SNX9: variants seen among roughly 807,000 people sequenced by gnomAD.
The protein encoded by SNX9 is sorting nexin 9, also known as sorting nexin-9.
A neutral mutation model predicts 89.4 loss-of-function variants in SNX9; 44 were observed. The ratio of observed to expected loss-of-function variants is 0.49; its 90% CI spans 0.39 to 0.63. The LOEUF (loss-of-function observed/expected upper bound fraction) is 0.63, where lower values mean the gene tolerates loss of function less well. SNX9 is among the 30% of genes least tolerant of loss of function. The probability of loss-of-function intolerance (pLI) is 0.00; values close to 1 mark genes in which losing one functional copy is unlikely to be tolerated. For missense variants in SNX9, 578 were observed against 736.1 expected (o/e 0.79, Z 2.49); for synonymous variants, 236 against 247.8 (o/e 0.95, Z 0.45).
At chr6:157,933,524 C>T (rs1031780008) in intron 13 of SNX9, among the ~76,000 whole-genome samples, 2 of 152,136 alleles carry the variant, frequency 1.3e-5, no homozygotes, top group African/African-American at 4.8e-5. Context: ...ATTGCCCTGG[C>T]CTTACCATGT....
intron 2 of SNX9, among the ~76,000 whole-genome samples, chr6:157,872,032 GT>G (rs1478803605): frequency 6.6e-6 from 1 of 151,986 alleles, no homozygotes; most frequent in Non-Finnish European, 1.5e-5. Flanking sequence ...AGTGACAAAA[GT>G]TGTGGCTTAA....
chr6:157,882,312 A>AAAATATT (rs1476587766), intron 4 of SNX9, among the ~76,000 whole-genome samples: 3 of 152,222 alleles, frequency 2.0e-5, no homozygotes, highest in Non-Finnish European at 4.4e-5. Context: ...GATTTCTTTC[A>AAAATATT]AAATATTACT....
intron 1 of SNX9, among the ~76,000 whole-genome samples, chr6:157,865,880 G>A (rs190818779): frequency 6.8e-4 from 103 of 152,198 alleles, no homozygotes; most frequent in African/African-American, 2.4e-3. Flanking sequence ...AGTAAATATT[G>A]TTAAATTAGT....
chr6:157,873,237 T>G, intron 3 of SNX9, 61 bp downstream of exon 3: 1 of 1,384,648 alleles, frequency 7.2e-7, no homozygotes, highest in Non-Finnish European at 9.7e-7. Context: ...TTTTTATGAA[T>G]TATCAACTTA....
At chr6:157,849,245 A>G (rs1781862564) in intron 1 of SNX9, among the ~76,000 whole-genome samples, 1 of 152,270 alleles carries the variant, frequency 6.6e-6, no homozygotes, top group South Asian at 2.1e-4. Flanking sequence ...ACTTTCAAGA[A>G]AAAAGAGGGT....
At chr6:157,876,014 A>T (rs1002820781) in intron 4 of SNX9, among the ~76,000 whole-genome samples, 1 of 152,044 alleles carries the variant, frequency 6.6e-6, no homozygotes, top group Non-Finnish European at 1.5e-5. Flanking sequence ...GAATTAAAAT[A>T]TTGTTAACTG....
intron 9 of SNX9, 27 bp from the exon 10 acceptor site, chr6:157,921,504 A>G (rs368558969): frequency 5.9e-5 from 94 of 1,606,018 alleles, no homozygotes; most frequent in Non-Finnish European, 4.8e-5. Context: ...ACAAAGTTGT[A>G]TGTCATTCTT....
At chr6:157,886,858 T>C (rs146986405) in intron 4 of SNX9, among the ~76,000 whole-genome samples, 1 of 152,280 alleles carries the variant, frequency 6.6e-6, no homozygotes, top group Non-Finnish European at 1.5e-5. Flanking sequence ...TTTCATAATG[T>C]GTTTTGTTTT....
Position 157,942,945 on chromosome 6 carries a change from C to T in SNX9, c.*107C>T. 7.9e-7 allele frequency: 1 copy of T among 1,259,628 alleles called. No homozygotes were observed. Among genetic ancestry groups the T allele is most frequent in the Non-Finnish European group, 1.1e-6 (1 of 910,166 alleles). The allele number at this position is 1,259,628 out of a possible 1,614,324, so 78.0% of individuals were successfully genotyped here. Reference sequence around the variant, plus strand: ...ATTCAGAAAAAAAAGGAAACAAAACCAAAAAGAAAGAGTTGCAAAAAACTG... The same window carrying T: ...ATTCAGAAAAAAAAGGAAACAAAACTAAAAAGAAAGAGTTGCAAAAAACTG... On this transcript the variant is annotated 3_prime_UTR_variant, in exon 18 of 18. Coordinates refer to ENST00000392185, the MANE Select transcript of SNX9 (RefSeq NM_016224.5).
At chr6:157,902,966 C>G (rs1783137734) in intron 6 of SNX9, among the ~76,000 whole-genome samples, 1 of 150,818 alleles carries the variant, frequency 6.6e-6, no homozygotes, top group Non-Finnish European at 1.5e-5. Flanking sequence ...CCACACCTAG[C>G]CAAAAAAAAA....
chr6:157,839,017 A>G (rs1174276635), intron 1 of SNX9, among the ~76,000 whole-genome samples: 1 of 152,210 alleles, frequency 6.6e-6, no homozygotes, highest in Non-Finnish European at 1.5e-5. Context: ...GGTTTGCAAT[A>G]CCCAGAGCTT....
Position 157,870,589 on chromosome 6 carries a change from GCA to G in SNX9, c.100-2505_100-2504del, listed in dbSNP as rs1044430052. On this transcript the variant is annotated intron_variant, in intron 2 of 17. Transcript: ENST00000392185. ...CACATATATGCACTCACCCGTGCAAGCACACACACCCCTCAGACACTCTCACC... is the reference window on the plus strand; with the variant it reads ...CACATATATGCACTCACCCGTGCAAGCACACACCCCTCAGACACTCTCACC... Among the ~76,000 whole-genome samples, 6 of 111,236 alleles carry G rather than the reference GCA, an allele frequency of 5.4e-5. No individual in the cohort carries two copies. In the Admixed American group the frequency reaches 5.5e-4, roughly 10 times the overall value. The allele number at this position is 111,236 out of a possible 152,430, so 73.0% of individuals were successfully genotyped here.
At chr6:157,879,544 AC>A (rs1361130358) in intron 4 of SNX9, among the ~76,000 whole-genome samples, 3 of 152,368 alleles carry the variant, frequency 2.0e-5, no homozygotes, top group African/African-American at 7.2e-5. Flanking sequence ...GATAAGGACA[AC>A]CATTTTATTA....
chr6:157,892,494 A>G (rs1782884271), intron 4 of SNX9, among the ~76,000 whole-genome samples: 1 of 152,154 alleles, frequency 6.6e-6, no homozygotes, highest in African/African-American at 2.4e-5. Context: ...AAACAAAACC[A>G]AAGAGATAGA....
At chr6:157,923,065 G>A (rs1025921076) in intron 10 of SNX9, among the ~76,000 whole-genome samples, 3 of 152,136 alleles carry the variant, frequency 2.0e-5, no homozygotes, top group Non-Finnish European at 4.4e-5. Context: ...CATCAGTTGT[G>A]TTGGTTTTTT....
At chr6:157,888,571 G>T (rs1050185938) in intron 4 of SNX9, among the ~76,000 whole-genome samples, 1 of 152,122 alleles carries the variant, frequency 6.6e-6, no homozygotes, top group African/African-American at 2.4e-5. Context: ...TTATTTTAAG[G>T]TGGATATTTT....
intron 1 of SNX9, among the ~76,000 whole-genome samples, chr6:157,837,231 A>G (rs1358153529): frequency 6.6e-6 from 1 of 152,200 alleles, no homozygotes. Flanking sequence ...GATCGTTGGT[A>G]TTATATGCAA....
At chr6:157,834,330 T>C (rs1365868536) in intron 1 of SNX9, among the ~76,000 whole-genome samples, 1 of 150,478 alleles carries the variant, frequency 6.6e-6, no homozygotes, top group Non-Finnish European at 1.5e-5. Flanking sequence ...CCAGCACACC[T>C]GGCTAATTTA....
intron 13 of SNX9, 53 bp downstream of exon 13, chr6:157,932,325 T>C: frequency 6.6e-7 from 1 of 1,512,090 alleles, no homozygotes; most frequent in East Asian, 2.3e-5. Flanking sequence ...TGTAGACCTG[T>C]CACCTGCTTA....
Sources: gnomAD v4.1 joint callset for allele counts (sites outside exome capture counted in the v4.1 genomes callset) on GRCh38, gnomAD v4.1.1 for gene constraint, MANE v1.5 for transcripts, NCBI Gene and HGNC (gene_info 2026-07-23, HGNC 2026-07-21) for gene names.